Variants in UBXN4 observed in about 807,000 individuals in gnomAD.
UBXN4 encodes UBX domain protein 4.
UBXN4 carries 35 observed loss-of-function variants against 66.2 expected under a neutral mutation model. The observed-to-expected ratio is 0.53, with a 90% CI of 0.40 to 0.70. The LOEUF (loss-of-function observed/expected upper bound fraction) is 0.70, where lower values mean the gene tolerates loss of function less well. Ranked by LOEUF, UBXN4 falls within the 30% of genes least tolerant of loss-of-function variation. The probability of loss-of-function intolerance (pLI) is 0.00; values close to 1 mark genes in which losing one functional copy is unlikely to be tolerated. For synonymous variants in UBXN4, 203 were observed against 204.5 expected (o/e 0.99, Z 0.06); for missense variants, 533 against 599.8 (o/e 0.89, Z 1.16).
chr2:135,775,333 G>A (rs563353690), intron 9 of UBXN4, among the ~76,000 whole-genome samples: 2 of 152,174 alleles, frequency 1.3e-5, no homozygotes, highest in South Asian at 2.1e-4. Flanking sequence ...AATTGAAAAC[G>A]TCAACACAAA....
intron 2 of UBXN4, 41 bp downstream of exon 2, chr2:135,748,410 T>C (rs1444894032): frequency 7.1e-7 from 1 of 1,406,664 alleles, no homozygotes. Flanking sequence ...TTAAAATTTA[T>C]AAGTATTGTC....
At chr2:135,751,318 CT>C (rs1483014694) in intron 2 of UBXN4, among the ~76,000 whole-genome samples, 1 of 151,742 alleles carries the variant, frequency 6.6e-6, no homozygotes, top group African/African-American at 2.4e-5. Context: ...TCCCAAGTAG[CT>C]GGGACTATAG....
intron 1 of UBXN4, 44 bp downstream of exon 1, chr2:135,742,055 G>A: frequency 1.9e-6 from 3 of 1,600,506 alleles, no homozygotes; most frequent in Non-Finnish European, 1.7e-6. Context: ...ACACCCCTCC[G>A]GCCTACCTTC....
chr2:135,755,312 G>A (rs2077272785), intron 4 of UBXN4, among the ~76,000 whole-genome samples: 1 of 152,158 alleles, frequency 6.6e-6, no homozygotes, highest in African/African-American at 2.4e-5. Context: ...TTTAACAAAT[G>A]TTTTTATGGT....
intron 2 of UBXN4, among the ~76,000 whole-genome samples, chr2:135,749,985 T>C (rs898421191): frequency 6.6e-6 from 1 of 152,214 alleles, no homozygotes; most frequent in African/African-American, 2.4e-5. Flanking sequence ...GTTTTCTGTA[T>C]TGATAGGTAG....
chr2:135,779,633 A>G lies in UBXN4; in HGVS notation c.1186-550A>G, dbSNP rs539834708. Among the ~76,000 whole-genome samples, 50 of 152,170 alleles carry G rather than the reference A, an allele frequency of 3.3e-4. No individual in the cohort carries two copies. The South Asian group carries it at 3.5e-3, about 11-fold the overall frequency. Reference sequence around the variant, plus strand: ...CAAAACAGTTAGCTCTCCAGTAATCAGGATTTCATTGTTTGAACCTTTTTT... The same window carrying G: ...CAAAACAGTTAGCTCTCCAGTAATCGGGATTTCATTGTTTGAACCTTTTTT... On this transcript the variant is annotated intron_variant, in intron 11 of 12. Transcript: ENST00000272638.
At chr2:135,773,389 G>A (rs2077395083) in intron 9 of UBXN4, among the ~76,000 whole-genome samples, 1 of 152,206 alleles carries the variant, frequency 6.6e-6, no homozygotes, top group African/African-American at 2.4e-5. Flanking sequence ...TCAGGACCTT[G>A]AATTCACGAT....
chr2:135,782,939 C>A lies in UBXN4; in HGVS notation c.*52C>A. The A allele has an allele frequency of 1.3e-6, 2 of 1,554,294 alleles. No homozygotes were observed. The highest frequency in any genetic ancestry group is 1.7e-6 in the Non-Finnish European group (2 of 1,147,678). On this transcript the variant is annotated 3_prime_UTR_variant, in exon 13 of 13. Transcript: ENST00000272638. Reference sequence around the variant, plus strand: ...TCATTGTTTCTCTTATGATTTAATTCAACTAAAATTCTACTGGAGAAGTGG... The same window carrying A: ...TCATTGTTTCTCTTATGATTTAATTAAACTAAAATTCTACTGGAGAAGTGG...
chr2:135,755,760 A>G (rs2077275963), intron 5 of UBXN4, 69 bp downstream of exon 5: 1 of 981,320 alleles, frequency 1.0e-6, no homozygotes, highest in South Asian at 4.6e-5. Context: ...TTAAATATTA[A>G]TATTTTAAAA....
At chr2:135,749,827 G>A (rs1209048991) in intron 2 of UBXN4, among the ~76,000 whole-genome samples, 4 of 152,180 alleles carry the variant, frequency 2.6e-5, no homozygotes, top group Non-Finnish European at 5.9e-5. Flanking sequence ...ATTTCTCTCA[G>A]TATGTAGGCT....
intron 1 of UBXN4, among the ~76,000 whole-genome samples, chr2:135,746,555 ATAT>A (rs1459924055): frequency 6.6e-6 from 1 of 152,194 alleles, no homozygotes; most frequent in Non-Finnish European, 1.5e-5. Flanking sequence ...GAGAGTTGTA[ATAT>A]TAAAGTGGGT....
At chr2:135,752,965 G>A (rs1056364761) in intron 2 of UBXN4, among the ~76,000 whole-genome samples, 3 of 146,134 alleles carry the variant, frequency 2.1e-5, no homozygotes, top group Admixed American at 7.0e-5. Flanking sequence ...TGATTCACCC[G>A]CCTTGGCCTC....
intron 6 of UBXN4, among the ~76,000 whole-genome samples, chr2:135,763,717 T>A (rs546783434): frequency 2.6e-5 from 4 of 152,176 alleles, no homozygotes; most frequent in Admixed American, 2.0e-4. Context: ...TCCCAGCTAC[T>A]CAGGAGGCTG....
intron 8 of UBXN4, among the ~76,000 whole-genome samples, chr2:135,771,833 G>T (rs1389292387): frequency 6.6e-6 from 1 of 152,148 alleles, no homozygotes; most frequent in African/African-American, 2.4e-5. Context: ...AAAGTGCTGG[G>T]ACTACAGGCG....
At position 135,765,551 on chromosome 2, in the gene UBXN4, A is replaced by T. The variant is rs998432745; in HGVS notation, c.602+3640A>T. 2.9e-4 allele frequency among the ~76,000 whole-genome samples: 44 copies of T among 152,200 alleles called. 1 individual carries two copies. The highest frequency in any genetic ancestry group is 1.1e-3 in the African/African-American group (44 of 41,464). ...AAATGGGCAGAATTATCTGGCAAAG[A>T]TAATATATACTACCATGAATTCTAG... is the stretch of plus-strand genomic sequence containing the variant. On this transcript the variant is annotated intron_variant, in intron 6 of 12. Transcript: ENST00000272638.
intron 9 of UBXN4, 148 bp from the exon 10 acceptor site, chr2:135,776,101 A>C: frequency 1.6e-6 from 1 of 607,812 alleles, no homozygotes; most frequent in Non-Finnish European, 2.8e-6. Flanking sequence ...GAATCTCAGT[A>C]AAGCAGTTAT....
chr2:135,767,855 A>G (rs992882164), intron 6 of UBXN4, among the ~76,000 whole-genome samples: 2 of 152,182 alleles, frequency 1.3e-5, no homozygotes, highest in African/African-American at 4.8e-5. Context: ...AGTTCCCCTT[A>G]GCAGTTAAGA....
chr2:135,767,603 T>C (rs2105503200), intron 6 of UBXN4, among the ~76,000 whole-genome samples: 1 of 152,354 alleles, frequency 6.6e-6, no homozygotes, highest in South Asian at 2.1e-4. Flanking sequence ...TGGTGCACTC[T>C]CATTGCTTTA....
chr2:135,761,972 C>A, intron 6 of UBXN4, 61 bp downstream of exon 6: 1 of 1,492,996 alleles, frequency 6.7e-7, no homozygotes, highest in South Asian at 1.2e-5. Context: ...TCAGTTATTT[C>A]ATTAATTTGA....
Sources: allele counts gnomAD v4.1 joint callset (sites outside exome capture counted in the v4.1 genomes callset), GRCh38; gene constraint gnomAD v4.1.1; transcripts MANE v1.5; gene names NCBI Gene and HGNC (gene_info 2026-07-23, HGNC 2026-07-21).